BMP7: variants seen among roughly 807,000 people sequenced by gnomAD.
BMP7 encodes the protein osteogenic protein 1.
In BMP7, 12 loss-of-function variants were observed where a neutral mutation model predicts 41.2. That is an observed-to-expected ratio of 0.29 (90% CI 0.19 to 0.47). The LOEUF (loss-of-function observed/expected upper bound fraction) is 0.47. Among genes scored for constraint, BMP7 ranks in the 20% least tolerant of loss-of-function variants. BMP7 has a pLI of 0.99. For missense variants in BMP7, 467 were observed against 606.0 expected (o/e 0.77, Z 2.41); for synonymous variants, 248 against 250.0 (o/e 0.99, Z 0.07).
intron 4 of BMP7, among the ~76,000 whole-genome samples, chr20:57,176,158 G>C (rs1983917713): frequency 6.6e-6 from 1 of 152,208 alleles, no homozygotes; most frequent in South Asian, 2.1e-4. Context: ...GACCCATGGA[G>C]AGACATTCAT....
In BMP7 at chr20:57,181,728, C is replaced by A. The variant is rs146906994; in HGVS notation, c.958+1994G>T. ...TTGTGCAGCTTCTCCAGGCCACCCA[C>A]ATCCCAGGGCTGGTGGCCCCACTCA... On this transcript the variant is annotated intron_variant, in intron 4 of 6. Coordinates refer to ENST00000395863, the MANE Select transcript of BMP7 (RefSeq NM_001719.3). 1.7e-4 allele frequency among the ~76,000 whole-genome samples: 26 copies of A among 152,240 alleles called. No homozygotes were observed. The East Asian group carries it at 2.7e-3, about 16-fold the overall frequency.
chr20:57,256,125 C>A (rs757390819), intron 1 of BMP7, among the ~76,000 whole-genome samples: 1 of 152,158 alleles, frequency 6.6e-6, no homozygotes, highest in Non-Finnish European at 1.5e-5. Flanking sequence ...TGGAAGCCTC[C>A]AGAACATCAG....
chr20:57,175,491 C>T (rs917494630), intron 4 of BMP7, among the ~76,000 whole-genome samples: 1 of 152,184 alleles, frequency 6.6e-6, no homozygotes, highest in Admixed American at 6.5e-5. Flanking sequence ...GACAAGCAAC[C>T]ATCACCACCA....
chr20:57,247,998 A>G (rs1270235667), intron 1 of BMP7, among the ~76,000 whole-genome samples: 1 of 152,194 alleles, frequency 6.6e-6, no homozygotes, highest in Admixed American at 6.5e-5. Context: ...CCTCAAAGTT[A>G]GAGCTAATGT....
chr20:57,238,392 G>A (rs1370302860), intron 1 of BMP7, among the ~76,000 whole-genome samples: 4 of 152,264 alleles, frequency 2.6e-5, no homozygotes, highest in East Asian at 1.9e-4. Flanking sequence ...TTGTGATTGC[G>A]AGTAATGCTG....
At chr20:57,209,250 TATA>T (rs1442309850) in intron 2 of BMP7, among the ~76,000 whole-genome samples, 38 of 9,252 alleles carry the variant, frequency 4.1e-3, no homozygotes, top group Non-Finnish European at 5.4e-3. Context: ...TATATATTTT[TATA>T]TATATATATA....
At chr20:57,260,208 A>G (rs1276048078) in intron 1 of BMP7, among the ~76,000 whole-genome samples, 7 of 152,172 alleles carry the variant, frequency 4.6e-5, no homozygotes, top group Non-Finnish European at 8.8e-5. Flanking sequence ...CCCACTTCGC[A>G]ATTTTGTAAG....
chr20:57,227,645 A>AGGC (rs1439866208), intron 2 of BMP7, among the ~76,000 whole-genome samples: 14 of 152,264 alleles, frequency 9.2e-5, no homozygotes, highest in Middle Eastern at 3.4e-3. Context: ...GGACTGTCTG[A>AGGC]ATAGAATGCA....
At position 57,228,453 on chromosome 20, in the gene BMP7, G is replaced by C; in HGVS notation, c.419-32C>G. ...GAGGAAGAGAACACACACCAACACC[G>C]ACAGCTCATTAGTGTCTGGGTTTCA... On this transcript the variant is annotated intron_variant, in intron 1 of 6. Transcript: ENST00000395863. The surrounding 1 kb of genome is among the most constrained non-coding windows in gnomAD (Gnocchi z 4.5). 1 of 1,607,486 alleles carries C rather than the reference G, an allele frequency of 6.2e-7. No homozygotes were observed. The highest frequency in any genetic ancestry group is 1.3e-5 in the African/African-American group (1 of 74,886).
intron 3 of BMP7, among the ~76,000 whole-genome samples, chr20:57,196,122 C>T (rs2123082088): frequency 6.6e-6 from 1 of 152,276 alleles, no homozygotes; most frequent in Middle Eastern, 3.4e-3. Context: ...AGGGAGACAC[C>T]ATGAACCAGG....
In BMP7 at chr20:57,213,111, G is replaced by A. The variant is rs562433043; in HGVS notation, c.612-10488C>T. ...TCCTCCTGCCCCAGACAGAGCTCGGGTGGCCACCCACGGCCCTCTCACCCA... is the reference window on the plus strand; with the variant it reads ...TCCTCCTGCCCCAGACAGAGCTCGGATGGCCACCCACGGCCCTCTCACCCA... On this transcript the variant is annotated intron_variant, in intron 2 of 6. Transcript: ENST00000395863. This position sits in a 1 kb window ranked among gnomAD's most constrained non-coding sequence, Gnocchi z 4.4. Among the ~76,000 whole-genome samples the A allele has an allele frequency of 9.2e-5, 14 of 152,336 alleles. No homozygotes were observed. The East Asian group carries it at 1.9e-3, about 21-fold the overall frequency.
chr20:57,228,414 A>G lies in BMP7; in HGVS notation c.426T>C (p.His142=). 6.2e-7 allele frequency: 1 copy of G among 1,614,096 alleles called. No individual in the cohort carries two copies. The highest frequency in any genetic ancestry group is 8.5e-7 in the Non-Finnish European group (1 of 1,179,970). ...MVMSFVNLVE[H]DKEFFHPRYH... Reference sequence around the variant, plus strand: ...AGCGTGGGTGGAAGAATTCCTTGTCATGTTCCACTGGAAGAGGAAGAGAAC... The same window carrying G: ...AGCGTGGGTGGAAGAATTCCTTGTCGTGTTCCACTGGAAGAGGAAGAGAAC... The change falls in exon 2 of 7, where the codon CAT becomes CAC. Residue 142 remains histidine, a synonymous_variant. Coordinates refer to ENST00000395863, the MANE Select transcript of BMP7 (RefSeq NM_001719.3). This position sits in a 1 kb window ranked among gnomAD's most constrained non-coding sequence, Gnocchi z 4.5.
In BMP7 at chr20:57,236,575, G is replaced by A. The variant is rs147880064; in HGVS notation, c.419-8154C>T. 4.4e-3 allele frequency among the ~76,000 whole-genome samples: 665 copies of A among 152,266 alleles called. 3 individuals carry two copies. Among genetic ancestry groups the A allele is most frequent in the African/African-American group, 0.015 (631 of 41,546 alleles). ...TGGGGCTACCTGGGAGGGGGAGAAC[G>A]ATGCCACCAGAAGGACTTGGTCCAA... On this transcript the variant is annotated intron_variant, in intron 1 of 6. Transcript: ENST00000395863.
At chr20:57,230,680 CTT>C (rs74182715) in intron 1 of BMP7, among the ~76,000 whole-genome samples, 6 of 132,954 alleles carry the variant, frequency 4.5e-5, no homozygotes, top group Admixed American at 1.5e-4. Flanking sequence ...GTTTGTAGAA[CTT>C]TTTTTTTTTT....
At chr20:57,177,455 C>T (rs975035623) in intron 4 of BMP7, among the ~76,000 whole-genome samples, 2 of 152,034 alleles carry the variant, frequency 1.3e-5, no homozygotes, top group South Asian at 2.1e-4. Context: ...TCAAGCAATT[C>T]TCCTGCCTCA....
chr20:57,191,235 T>C (rs1215920723), intron 3 of BMP7, among the ~76,000 whole-genome samples: 3 of 152,174 alleles, frequency 2.0e-5, no homozygotes, highest in African/African-American at 7.2e-5. Context: ...ATTCATTTAC[T>C]GAACACGTGT....
At chr20:57,260,752 C>T (rs547120024) in intron 1 of BMP7, among the ~76,000 whole-genome samples, 1 of 152,360 alleles carries the variant, frequency 6.6e-6, no homozygotes, top group South Asian at 2.1e-4. Flanking sequence ...AGGTCCCACA[C>T]ATCCCTGCCT....
At chr20:57,229,104 C>G (rs905968424) in intron 1 of BMP7, among the ~76,000 whole-genome samples, 2 of 152,170 alleles carry the variant, frequency 1.3e-5, no homozygotes, top group Non-Finnish European at 2.9e-5. Context: ...TGATCTGAAG[C>G]GCCTGCTGAC....
In BMP7 at chr20:57,215,316, C is replaced by G. The variant is rs149767832; in HGVS notation, c.612-12693G>C. On this transcript the variant is annotated intron_variant, in intron 2 of 6. Coordinates refer to ENST00000395863, the MANE Select transcript of BMP7 (RefSeq NM_001719.3). This position sits in a 1 kb window ranked among gnomAD's most constrained non-coding sequence, Gnocchi z 4.2. ...CCATTTACTGTCCCCATCACCTCTT[C>G]GGAGCCACCTCCTTTCCCCACATCA... 4.1e-4 allele frequency among the ~76,000 whole-genome samples: 62 copies of G among 152,336 alleles called. No individual in the cohort carries two copies. Among genetic ancestry groups the G allele is most frequent in the African/African-American group, 6.5e-4 (27 of 41,576 alleles).
Sources: allele counts gnomAD v4.1 joint callset (sites outside exome capture counted in the v4.1 genomes callset), GRCh38; gene constraint gnomAD v4.1.1; non-coding constraint Gnocchi (gnomAD v3.1); transcripts MANE v1.5; gene names NCBI Gene and HGNC (gene_info 2026-07-23, HGNC 2026-07-21).